GABRB1: variants seen among roughly 807,000 people sequenced by gnomAD.
GABRB1 encodes gamma-aminobutyric acid type A receptor subunit beta1, also known as gamma-aminobutyric acid receptor subunit beta-1.
In GABRB1, 17 loss-of-function variants were observed where a neutral mutation model predicts 51.6. That is an observed-to-expected ratio of 0.33 (90% CI 0.23 to 0.49). The LOEUF (loss-of-function observed/expected upper bound fraction) is 0.49. Among genes scored for constraint, GABRB1 ranks in the 20% least tolerant of loss-of-function variants. The pLI, the probability that GABRB1 is intolerant of heterozygous loss-of-function variation, is 0.99. For synonymous variants in GABRB1, 247 were observed against 218.9 expected (o/e 1.13, Z -1.14); for missense variants, 410 against 600.6 (o/e 0.68, Z 3.32).
intron 4 of GABRB1, among the ~76,000 whole-genome samples, chr4:47,223,941 C>T (rs1488865966): frequency 6.6e-6 from 1 of 152,120 alleles, no homozygotes; most frequent in Non-Finnish European, 1.5e-5. Context: ...TCACTACCCT[C>T]TACTTTTGAG....
intron 5 of GABRB1, among the ~76,000 whole-genome samples, chr4:47,370,484 C>A (rs2110018051): frequency 9.8e-6 from 1 of 102,382 alleles, no homozygotes; most frequent in African/African-American, 4.1e-5. Context: ...GAGACTCCAT[C>A]TCAAAAAAAA....
upstream of GABRB1, among the ~76,000 whole-genome samples, chr4:47,029,474 G>A (rs1477396899): frequency 6.6e-6 from 1 of 150,820 alleles, no homozygotes; most frequent in Non-Finnish European, 1.5e-5. Context: ...ACCTTCTGAT[G>A]GTTAAATTTG....
At chr4:47,226,602 A>G (rs1446305910) in intron 4 of GABRB1, among the ~76,000 whole-genome samples, 1 of 152,082 alleles carries the variant, frequency 6.6e-6, no homozygotes, top group Non-Finnish European at 1.5e-5. Context: ...TCCTTTTTTT[A>G]TATAAAACAC....
chr4:47,263,567 G>T (rs551069911), intron 4 of GABRB1, among the ~76,000 whole-genome samples: 71 of 152,232 alleles, frequency 4.7e-4, no homozygotes, highest in African/African-American at 1.7e-3. Context: ...TAAACACAGA[G>T]GAGTGAATAC....
At chr4:47,404,423 G>C (rs1386257352) in intron 7 of GABRB1, among the ~76,000 whole-genome samples, 1 of 151,860 alleles carries the variant, frequency 6.6e-6, no homozygotes, top group African/African-American at 2.4e-5. Flanking sequence ...GTGCAAGTCT[G>C]TGTCATTATT....
intron 3 of GABRB1, among the ~76,000 whole-genome samples, chr4:47,083,639 T>C (rs571926402): frequency 6.4e-4 from 98 of 152,282 alleles, no homozygotes; most frequent in African/African-American, 2.3e-3. Context: ...TCTGTCACAT[T>C]GCTAAGCATC....
intron 3 of GABRB1, among the ~76,000 whole-genome samples, chr4:47,070,671 CA>C (rs1464945226): frequency 6.6e-6 from 1 of 152,128 alleles, no homozygotes; most frequent in Non-Finnish European, 1.5e-5. Flanking sequence ...ATTTGTTATC[CA>C]AAATACTACT....
At chr4:47,255,949 A>G (rs1169472964) in intron 4 of GABRB1, among the ~76,000 whole-genome samples, 1 of 152,246 alleles carries the variant, frequency 6.6e-6, no homozygotes, top group Non-Finnish European at 1.5e-5. Context: ...GACACAGATC[A>G]TGGAATAACC....
intron 4 of GABRB1, among the ~76,000 whole-genome samples, chr4:47,312,461 C>T (rs535428293): frequency 6.6e-5 from 10 of 152,222 alleles, no homozygotes; most frequent in African/African-American, 2.4e-4. Context: ...TTAGACTAAC[C>T]CATCCATCTT....
At chr4:47,148,577 A>G (rs1717281880) in intron 3 of GABRB1, among the ~76,000 whole-genome samples, 1 of 152,046 alleles carries the variant, frequency 6.6e-6, no homozygotes, top group Non-Finnish European at 1.5e-5. Context: ...GCGGTAAAAT[A>G]CTTTGGCAGA....
chr4:47,161,599 T>C (rs141191261), intron 4 of GABRB1, 130 bp downstream of exon 4: 7 of 699,768 alleles, frequency 1.0e-5, no homozygotes, highest in South Asian at 5.6e-5. Flanking sequence ...CATATACTTA[T>C]GAAGGTCTAT....
At chr4:47,055,798 T>C (rs1000799262) in intron 3 of GABRB1, among the ~76,000 whole-genome samples, 4 of 152,198 alleles carry the variant, frequency 2.6e-5, no homozygotes, top group African/African-American at 9.7e-5. Context: ...ATGGTCTTTA[T>C]AGCTACTTCC....
chr4:47,282,976 T>C (rs117390366), intron 4 of GABRB1, among the ~76,000 whole-genome samples: 1 of 152,310 alleles, frequency 6.6e-6, no homozygotes, highest in East Asian at 1.9e-4. Flanking sequence ...GAGGACCATA[T>C]CACTCTTTCA....
rs183628643 is a variant in GABRB1 at position 47,163,326 on chromosome 4, G to A, written c.461+1857G>A. On this transcript the variant is annotated intron_variant, in intron 4 of 8. Coordinates refer to ENST00000295454, the MANE Select transcript of GABRB1 (RefSeq NM_000812.4). ...GCCTTATATAGCCTTATTAGGTACT[G>A]GGCAAACTGCATACTCAGGATAGTT... 8.6e-5 allele frequency among the ~76,000 whole-genome samples: 13 copies of A among 152,028 alleles called. No individual in the cohort carries two copies. In the East Asian group the frequency reaches 2.5e-3, roughly 30 times the overall value.
At chr4:47,244,886 A>G (rs1721682210) in intron 4 of GABRB1, among the ~76,000 whole-genome samples, 1 of 152,218 alleles carries the variant, frequency 6.6e-6, no homozygotes, top group South Asian at 2.1e-4. Flanking sequence ...CCCACAAGAG[A>G]AAGCACGAAA....
intron 4 of GABRB1, among the ~76,000 whole-genome samples, chr4:47,263,346 C>T (rs892355267): frequency 1.3e-5 from 2 of 151,942 alleles, no homozygotes; most frequent in Non-Finnish European, 2.9e-5. Context: ...AATAACCCAT[C>T]GGATAGCCAC....
intron 5 of GABRB1, among the ~76,000 whole-genome samples, chr4:47,390,362 C>T (rs1727942998): frequency 6.6e-6 from 1 of 152,234 alleles, no homozygotes; most frequent in Non-Finnish European, 1.5e-5. Context: ...TAAATGTCTG[C>T]ATTATCTGAA....
In GABRB1 at chr4:47,109,591, G is replaced by A. The variant is rs548759428; in HGVS notation, c.241-51658G>A. Among the ~76,000 whole-genome samples the A allele has an allele frequency of 3.9e-5, 6 of 152,180 alleles. No homozygotes were observed. The South Asian group carries it at 1.2e-3, about 32-fold the overall frequency. On this transcript the variant is annotated intron_variant, in intron 3 of 8. Coordinates refer to ENST00000295454, the MANE Select transcript of GABRB1 (RefSeq NM_000812.4). ...ACCTATAGGTGGCGGCCATGTGTAA[G>A]GCCTGAGGTATCAGATGGGAAAATG...
At chr4:47,399,648 C>T (rs1183765800) in intron 5 of GABRB1, among the ~76,000 whole-genome samples, 1 of 152,188 alleles carries the variant, frequency 6.6e-6, no homozygotes, top group Non-Finnish European at 1.5e-5. Context: ...TTTCCTCATG[C>T]AGGTACCTAG....
Sources: gnomAD v4.1 joint callset for allele counts (sites outside exome capture counted in the v4.1 genomes callset) on GRCh38, gnomAD v4.1.1 for gene constraint, MANE v1.5 for transcripts, NCBI Gene and HGNC (gene_info 2026-07-23, HGNC 2026-07-21) for gene names.